Variants in C9orf153 observed in about 807,000 individuals in gnomAD.
The protein encoded by C9orf153 is uncharacterized protein C9orf153.
In C9orf153, 10 loss-of-function variants were observed where a neutral mutation model predicts 9.0. The ratio of observed to expected loss-of-function variants is 1.11; its 90% CI spans 0.69 to 1.89. The LOEUF is 1.89. Ranked by LOEUF, C9orf153 falls within the 40% of genes most tolerant of loss-of-function variation. The pLI, the probability that C9orf153 is intolerant of heterozygous loss-of-function variation, is 0.00. For missense variants in C9orf153, 108 were observed against 111.0 expected, an observed-to-expected ratio of 0.97 and a Z score of 0.12; for synonymous variants, 35 against 37.3, an observed-to-expected ratio of 0.94 and a Z score of 0.23.
At chr9:86,223,254 C>T (rs150850248) in intron 3 of C9orf153, among the ~76,000 whole-genome samples, 8 of 152,104 alleles carry the variant, frequency 5.3e-5, no homozygotes, top group African/African-American at 1.2e-4. Context: ...CCACCTACCT[C>T]GGCCTCCCAA....
intron 1 of C9orf153, among the ~76,000 whole-genome samples, chr9:86,239,586 C>T (rs1824686346): frequency 1.3e-5 from 2 of 152,156 alleles, no homozygotes; most frequent in Non-Finnish European, 2.9e-5. Context: ...TGGACTGGGG[C>T]TCAGCAGCAA....
At chr9:86,256,585 T>C (rs550039846) in intron 1 of C9orf153, among the ~76,000 whole-genome samples, 8 of 152,338 alleles carry the variant, frequency 5.3e-5, no homozygotes, top group Non-Finnish European at 1.0e-4. Flanking sequence ...ATTTATGAAG[T>C]GTGACTACAA....
intron 3 of C9orf153, chr9:86,227,194 T>C (rs1824355968): frequency 2.4e-6 from 2 of 835,854 alleles, no homozygotes; most frequent in African/African-American, 1.8e-5. Context: ...TTGCCAAGGC[T>C]GAAATGCAGT....
intron 3 of C9orf153, among the ~76,000 whole-genome samples, chr9:86,223,361 C>T (rs751178735): frequency 2.6e-5 from 4 of 151,956 alleles, no homozygotes; most frequent in East Asian, 1.9e-4. Flanking sequence ...ACAGCTACTC[C>T]GGAGGCTGAT....
intron 1 of C9orf153, among the ~76,000 whole-genome samples, chr9:86,243,483 G>A (rs1255173175): frequency 2.4e-5 from 2 of 83,972 alleles, no homozygotes; most frequent in African/African-American, 9.1e-5. Flanking sequence ...TTTTTTTTTT[G>A]AGATGGAGTT....
chr9:86,220,532 C>T lies in C9orf153; in HGVS notation c.*1156G>A, dbSNP rs1313576282. 6.6e-6 allele frequency: 1 copy of T among 152,166 alleles called. No homozygotes were observed. 9.4% of individuals were successfully genotyped at this position (152,166 alleles called of 1,614,324 possible). ...TTCCTTCAGCATTGTAAGTATATGA[C>T]ACTATTGTCCTCTGACCTCTATTGT... On this transcript the variant is annotated 3_prime_UTR_variant, in exon 4 of 4. Transcript: ENST00000339137.
chr9:86,249,016 T>A (rs1441061947), intron 1 of C9orf153, among the ~76,000 whole-genome samples: 1 of 152,274 alleles, frequency 6.6e-6, no homozygotes, highest in Non-Finnish European at 1.5e-5. Context: ...CTTTATTTTA[T>A]GTGATGTCTT....
chr9:86,250,299 T>G (rs1167165873), intron 1 of C9orf153, among the ~76,000 whole-genome samples: 1 of 152,222 alleles, frequency 6.6e-6, no homozygotes, highest in Non-Finnish European at 1.5e-5. Flanking sequence ...AATTGTTTTC[T>G]TTGGCAAATC....
At chr9:86,234,606 C>G (rs1264959060) in intron 1 of C9orf153, among the ~76,000 whole-genome samples, 1 of 152,166 alleles carries the variant, frequency 6.6e-6, no homozygotes, top group African/African-American at 2.4e-5. Flanking sequence ...AACTATAAAA[C>G]TCCTAGAATA....
chr9:86,245,138 G>C (rs1824838206), intron 1 of C9orf153, among the ~76,000 whole-genome samples: 1 of 152,132 alleles, frequency 6.6e-6, no homozygotes, highest in Non-Finnish European at 1.5e-5. Context: ...TGTTGGCCAG[G>C]CTGGTCTTGA....
chr9:86,230,602 G>C (rs950209415), intron 1 of C9orf153, among the ~76,000 whole-genome samples: 5 of 152,182 alleles, frequency 3.3e-5, no homozygotes, highest in African/African-American at 1.2e-4. Flanking sequence ...CGCCCAGCTG[G>C]ATAGTTTTAT....
chr9:86,233,940 G>A (rs1824524603), intron 1 of C9orf153, among the ~76,000 whole-genome samples: 1 of 152,058 alleles, frequency 6.6e-6, no homozygotes, highest in Admixed American at 6.6e-5. Flanking sequence ...AAAATTAGCT[G>A]GGCATGGTGG....
At chr9:86,258,404 C>G (rs1176732779) in intron 1 of C9orf153, 2 of 151,272 alleles carry the variant, frequency 1.3e-5, no homozygotes, top group African/African-American at 2.4e-5. Flanking sequence ...CTTAATCCTT[C>G]CTTTGAAGTA....
At chr9:86,225,439 TTC>T (rs1824305733) in intron 3 of C9orf153, among the ~76,000 whole-genome samples, 2 of 90,746 alleles carry the variant, frequency 2.2e-5, no homozygotes, top group Non-Finnish European at 4.6e-5. Flanking sequence ...CCTTCCTTCC[TTC>T]CTTCCTCTCT....
chr9:86,228,002 T>C lies in C9orf153; in HGVS notation c.95A>G (p.Asn32Ser). The change falls in exon 3 of 4, where the codon AAT (asparagine) becomes AGT (serine). Residue 32 changes from asparagine (N) to serine (S), a missense_variant. Asn to Ser is a conservative substitution (Grantham distance 46, BLOSUM62 1). Transcript: ENST00000339137. The stretch of plus-strand genomic sequence containing the variant: ...TGATTTCTTGCTCTCCTTATTAAAA[T>C]TCTCAATACATGCATATAATTCTGG... ...SLPELYACIE[N>S]FNKESKKSNL... 1 of 1,611,452 alleles carries C rather than the reference T, an allele frequency of 6.2e-7. No homozygotes were observed. The highest frequency in any genetic ancestry group is 8.5e-7 in the Non-Finnish European group (1 of 1,178,796).
chr9:86,253,688 G>A (rs1825042880), intron 1 of C9orf153, among the ~76,000 whole-genome samples: 2 of 152,166 alleles, frequency 1.3e-5, no homozygotes, highest in African/African-American at 4.8e-5. Context: ...TTAAAGTCTT[G>A]CGCTCAAGAG....
chr9:86,237,071 A>G (rs1457037367), intron 1 of C9orf153, among the ~76,000 whole-genome samples: 1 of 152,158 alleles, frequency 6.6e-6, no homozygotes, highest in African/African-American at 2.4e-5. Context: ...TTGTTATTAT[A>G]AGGTACTCAC....
intron 1 of C9orf153, among the ~76,000 whole-genome samples, chr9:86,238,536 A>G (rs181850977): frequency 7.7e-4 from 117 of 152,360 alleles, no homozygotes; most frequent in African/African-American, 2.6e-3. Context: ...AAATACATCT[A>G]TAGTGAAGGC....
At chr9:86,242,790 T>C (rs897561312) in intron 1 of C9orf153, among the ~76,000 whole-genome samples, 8 of 152,192 alleles carry the variant, frequency 5.3e-5, no homozygotes, top group African/African-American at 1.9e-4. Flanking sequence ...GTGATTCTCC[T>C]GCCTCAGTCT....
Sources: gnomAD v4.1 joint callset for allele counts (sites outside exome capture counted in the v4.1 genomes callset) on GRCh38, gnomAD v4.1.1 for gene constraint, MANE v1.5 for transcripts, NCBI Gene and HGNC (gene_info 2026-07-23, HGNC 2026-07-21) for gene names.